Variants in SUPT3H observed in about 807,000 individuals in gnomAD.
The protein encoded by SUPT3H is transcription initiation protein SPT3 homolog.
Under a neutral mutation model 44.3 loss-of-function variants are expected in SUPT3H, and 44 were observed. The ratio of observed to expected loss-of-function variants is 0.99; its 90% CI spans 0.78 to 1.28. SUPT3H has a LOEUF of 1.28. Ranked by LOEUF, SUPT3H falls within the 50% of genes most tolerant of loss-of-function variation. SUPT3H has a pLI of 0.00. For synonymous variants in SUPT3H, 124 were observed against 125.6 expected, an observed-to-expected ratio of 0.99 and a Z score of 0.09; for missense variants, 380 against 387.1, an observed-to-expected ratio of 0.98 and a Z score of 0.15.
chr6:45,373,598 C>T (rs1796389931), intron 1 of SUPT3H, among the ~76,000 whole-genome samples: 1 of 152,098 alleles, frequency 6.6e-6, no homozygotes, highest in African/African-American at 2.4e-5. Context: ...GTCGCCCAGG[C>T]TGGAGTGCAG....
intron 2 of SUPT3H, among the ~76,000 whole-genome samples, chr6:45,260,925 A>G (rs1774258089): frequency 6.6e-6 from 1 of 152,140 alleles, no homozygotes; most frequent in Admixed American, 6.6e-5. Context: ...TCCTGGTCCA[A>G]TTCCCTGCAA....
chr6:44,905,101 T>C (rs1189809909), intron 10 of SUPT3H, among the ~76,000 whole-genome samples: 2 of 152,048 alleles, frequency 1.3e-5, no homozygotes, highest in African/African-American at 2.4e-5. Context: ...ATTCAGGACA[T>C]AGGCATGGGC....
chr6:45,051,261 A>G (rs1790260575), intron 3 of SUPT3H, among the ~76,000 whole-genome samples: 1 of 152,140 alleles, frequency 6.6e-6, no homozygotes, highest in Non-Finnish European at 1.5e-5. Context: ...TGGGGAGGGA[A>G]GACAGGTATG....
At chr6:44,918,423 C>A (rs1768144656) in intron 10 of SUPT3H, among the ~76,000 whole-genome samples, 1 of 152,168 alleles carries the variant, frequency 6.6e-6, no homozygotes, top group Non-Finnish European at 1.5e-5. Context: ...TCACTTTAGT[C>A]TGGACTTGGC....
At chr6:45,080,426 T>C (rs1218280857) in intron 3 of SUPT3H, among the ~76,000 whole-genome samples, 1 of 152,124 alleles carries the variant, frequency 6.6e-6, no homozygotes, top group Non-Finnish European at 1.5e-5. Flanking sequence ...GATCCAGATA[T>C]ACCTCTGCTA....
rs747035781 is a variant in SUPT3H at position 44,932,679 on chromosome 6, T to C, written c.886A>G (p.Arg296Gly). The C allele has an allele frequency of 2.5e-6, 4 of 1,611,218 alleles. No homozygotes were observed. Among genetic ancestry groups the C allele is most frequent in the African/African-American group, 2.7e-5 (2 of 74,724 alleles). Residue 296 changes from arginine (R) to glycine (G), a missense_variant, in exon 10 of 11, where the codon AGG becomes GGG. Transcript: ENST00000371459. ...GTGAATGGGGAAAGTGGGCCAATCC[T>C]GTGGCTGTAGCGTCGAATGGCCTCT... The part of the protein sequence containing the change: ...IREAIRRYSH[R>G]IGPLSPFTNA...
chr6:45,291,197 T>G (rs1780262346), intron 2 of SUPT3H, among the ~76,000 whole-genome samples: 1 of 152,076 alleles, frequency 6.6e-6, no homozygotes, highest in Admixed American at 6.5e-5. Context: ...AGAAGAGAGA[T>G]AATCACTACA....
At position 44,829,984 on chromosome 6, in the gene SUPT3H, A is replaced by G. The variant is rs73735210; in HGVS notation, c.913-127T>C. On this transcript the variant is annotated intron_variant, in intron 10 of 10. Transcript: ENST00000371459. ...CTGGCTACAATCTAATAGAATGCTT[A>G]ATCTGAATATTTCTGGTGGCAAAAC... 6.7e-3 allele frequency: 5,508 copies of G among 816,434 alleles called. 227 individuals are homozygous for G. In the African/African-American group the frequency reaches 0.084, roughly 12 times the overall value. 50.6% of individuals were successfully genotyped at this position (816,434 alleles called of 1,614,324 possible). A position where few individuals can be genotyped will look rare whatever the true frequency, so the allele number is the denominator to read the frequency against.
chr6:45,143,388 A>C (rs971736609), intron 2 of SUPT3H, among the ~76,000 whole-genome samples: 1 of 152,172 alleles, frequency 6.6e-6, no homozygotes, highest in Admixed American at 6.6e-5. Context: ...ACTAGAAATT[A>C]ACTCCAAAAG....
intron 2 of SUPT3H, among the ~76,000 whole-genome samples, chr6:45,235,423 A>G (rs1204834945): frequency 2.6e-5 from 4 of 152,174 alleles, no homozygotes; most frequent in African/African-American, 9.7e-5. Flanking sequence ...AGATTCTAAT[A>G]TAAATATTAT....
chr6:45,252,233 A>C (rs1772504911), intron 2 of SUPT3H, among the ~76,000 whole-genome samples: 2 of 152,222 alleles, frequency 1.3e-5, no homozygotes, highest in South Asian at 4.1e-4. Context: ...AAAATGGTTA[A>C]GCAGTTTGTC....
rs188089696 is a variant in SUPT3H, at chr6:45,254,005, G to A, written c.101+111196C>T. 1.1e-3 allele frequency among the ~76,000 whole-genome samples: 165 copies of A among 151,322 alleles called. 2 individuals carry two copies. Among genetic ancestry groups the A allele is most frequent in the Non-Finnish European group, 2.5e-4 (17 of 67,808 alleles). On this transcript the variant is annotated intron_variant, in intron 2 of 10. Transcript: ENST00000371459. The stretch of plus-strand genomic sequence containing the variant: ...TCTATACCTGTATCATTACTGATAT[G>A]TGAAGCAATAGGCACCGAACAACAA...
intron 6 of SUPT3H, among the ~76,000 whole-genome samples, chr6:44,977,570 T>C (rs1413703003): frequency 1.3e-5 from 2 of 152,180 alleles, no homozygotes; most frequent in Non-Finnish European, 2.9e-5. Context: ...GCATCTTATC[T>C]GATCTCACAA....
intron 2 of SUPT3H, among the ~76,000 whole-genome samples, chr6:45,308,348 A>C (rs200011414): frequency 6.6e-6 from 1 of 152,184 alleles, no homozygotes; most frequent in Non-Finnish European, 1.5e-5. Context: ...CAGCCAGAGA[A>C]AAAGGTCGGG....
At chr6:44,974,085 C>G (rs992136335) in intron 6 of SUPT3H, among the ~76,000 whole-genome samples, 2 of 152,048 alleles carry the variant, frequency 1.3e-5, no homozygotes, top group Non-Finnish European at 2.9e-5. Flanking sequence ...GGTTGCTAAG[C>G]AATGTGTGCT....
intron 3 of SUPT3H, among the ~76,000 whole-genome samples, chr6:45,023,718 T>C (rs1785507643): frequency 1.3e-5 from 1 of 75,858 alleles, no homozygotes; most frequent in Non-Finnish European, 2.5e-5. Context: ...GATGAGCACT[T>C]ATGAACACAA....
At chr6:45,211,032 C>T (rs1340031705) in intron 2 of SUPT3H, among the ~76,000 whole-genome samples, 1 of 152,136 alleles carries the variant, frequency 6.6e-6, no homozygotes, top group East Asian at 1.9e-4. Flanking sequence ...TTTAACTGAC[C>T]ATTCCACAAA....
intron 11 of SUPT3H, among the ~76,000 whole-genome samples, chr6:44,817,260 A>C (rs1184971791): frequency 1.3e-5 from 2 of 152,132 alleles, no homozygotes; most frequent in Non-Finnish European, 2.9e-5. Context: ...ATTGTCTTCA[A>C]GGATGAAGAA....
At chr6:45,075,190 T>C (rs1248507812) in intron 3 of SUPT3H, among the ~76,000 whole-genome samples, 1 of 152,126 alleles carries the variant, frequency 6.6e-6, no homozygotes, top group African/African-American at 2.4e-5. Flanking sequence ...AATTATAGTA[T>C]TTTGAAAATT....
Sources: gnomAD v4.1 joint callset for allele counts (sites outside exome capture counted in the v4.1 genomes callset) on GRCh38, gnomAD v4.1.1 for gene constraint, MANE v1.5 for transcripts, NCBI Gene and HGNC (gene_info 2026-07-23, HGNC 2026-07-21) for gene names.